Variants in TBCA observed in about 807,000 individuals in gnomAD.
The protein encoded by TBCA is tubulin folding cofactor A.
In TBCA, 6 loss-of-function variants were observed where a neutral mutation model predicts 15.8. The observed-to-expected ratio is 0.38, with a 90% CI of 0.21 to 0.75. The LOEUF (loss-of-function observed/expected upper bound fraction) is 0.75. TBCA is among the 30% of genes least tolerant of loss of function. TBCA has a pLI of 0.46. For synonymous variants in TBCA, 32 were observed against 42.3 expected (o/e 0.76, Z 0.94); for missense variants, 90 against 131.2 (o/e 0.69, Z 1.53).
intron 1 of TBCA, among the ~76,000 whole-genome samples, chr5:77,760,349 A>G (rs940321755): frequency 1.3e-5 from 2 of 152,202 alleles, no homozygotes; most frequent in African/African-American, 4.8e-5. Flanking sequence ...TTGAGTAATT[A>G]TTTCAATTAA....
intron 1 of TBCA, among the ~76,000 whole-genome samples, chr5:77,754,074 T>A (rs971114961): frequency 1.4e-4 from 22 of 152,192 alleles, no homozygotes; most frequent in African/African-American, 4.1e-4. Flanking sequence ...AATATTTGTA[T>A]AAATTCCTTT....
chr5:77,691,860 A>G, intron 3 of TBCA: 1 of 1,004,818 alleles, frequency 1.0e-6, no homozygotes, highest in Non-Finnish European at 1.2e-6. Flanking sequence ...ATTTACTAAC[A>G]TGTTACATAT....
rs182781446 is a variant in TBCA, at chr5:77,765,621, A to G, written c.53+10584T>C. 6.3e-4 allele frequency among the ~76,000 whole-genome samples: 96 copies of G among 152,166 alleles called. 1 individual carries two copies. The highest frequency in any genetic ancestry group is 2.6e-3 in the Admixed American group (40 of 15,276). Reference sequence around the variant, plus strand: ...TGGTTGCTGCTCCTCAAACACGCCAATCTTACTCCCTTTTTCAAGTCTTTG... The same window carrying G: ...TGGTTGCTGCTCCTCAAACACGCCAGTCTTACTCCCTTTTTCAAGTCTTTG... On this transcript the variant is annotated intron_variant, in intron 1 of 3. Coordinates refer to ENST00000380377, the MANE Select transcript of TBCA (RefSeq NM_004607.3).
At chr5:77,698,199 TATTAA>T (rs1745917049) in intron 2 of TBCA, among the ~76,000 whole-genome samples, 1 of 151,492 alleles carries the variant, frequency 6.6e-6, no homozygotes, top group South Asian at 2.1e-4. Flanking sequence ...GATAAACCTT[TATTAA>T]GACAGACAAA....
intron 1 of TBCA, among the ~76,000 whole-genome samples, chr5:77,716,894 C>T (rs1746410177): frequency 6.6e-6 from 1 of 152,178 alleles, no homozygotes; most frequent in Admixed American, 6.5e-5. Context: ...GATTTTACCC[C>T]CTTTTCCAAG....
At chr5:77,748,995 A>G in intron 1 of TBCA, among the ~76,000 whole-genome samples, 1 of 152,176 alleles carries the variant, frequency 6.6e-6, no homozygotes, top group Non-Finnish European at 1.5e-5. Flanking sequence ...GCAGCCACAG[A>G]CCTCAATCTA....
intron 2 of TBCA, among the ~76,000 whole-genome samples, chr5:77,707,151 C>G (rs75119222): frequency 1.6e-3 from 250 of 151,942 alleles, no homozygotes; most frequent in Non-Finnish European, 3.1e-3. Flanking sequence ...AACAATGTCA[C>G]TGATAGTTAT....
intron 1 of TBCA, among the ~76,000 whole-genome samples, chr5:77,763,001 T>C (rs1414079751): frequency 2.6e-5 from 4 of 152,274 alleles, no homozygotes; most frequent in Admixed American, 2.0e-4. Flanking sequence ...CCCAGCACTT[T>C]GGGAGGCCGA....
intron 1 of TBCA, among the ~76,000 whole-genome samples, chr5:77,709,383 A>G (rs929161693): frequency 1.3e-5 from 2 of 152,206 alleles, no homozygotes; most frequent in African/African-American, 2.4e-5. Flanking sequence ...ATAATAGCTC[A>G]ATCTTCCCTA....
intron 1 of TBCA, among the ~76,000 whole-genome samples, chr5:77,709,342 TA>T (rs1746221435): frequency 6.6e-6 from 1 of 152,222 alleles, no homozygotes; most frequent in Non-Finnish European, 1.5e-5. Flanking sequence ...TTCTACTGAT[TA>T]TCCCACAGAT....
At position 77,693,291 on chromosome 5, in the gene TBCA, G is replaced by C; in HGVS notation, c.221C>G (p.Ala74Gly). Residue 74 changes from alanine to glycine, a missense_variant, in exon 3 of 4, where the codon GCA becomes GGA. By Grantham distance (60) the Ala-to-Gly change is moderately conservative. Transcript: ENST00000380377. ...IPDCQRRLEA[A>G]YLDLQRILEN... ...TAGTATCCGTTGAAGATCCAAATAT[G>C]CGGCTTCCAACCTGCGCTGGCAATC... The C allele has an allele frequency of 6.2e-7, 1 of 1,613,876 alleles. No homozygotes were observed. Among genetic ancestry groups the C allele is most frequent in the Non-Finnish European group, 8.5e-7 (1 of 1,179,956 alleles).
intron 1 of TBCA, among the ~76,000 whole-genome samples, chr5:77,726,140 A>C (rs770371451): frequency 1.3e-4 from 20 of 152,242 alleles, no homozygotes; most frequent in Non-Finnish European, 2.6e-4. Flanking sequence ...TATTAAGGGT[A>C]TCCGCTGTGT....
At chr5:77,695,435 T>C (rs1580088149) in intron 2 of TBCA, among the ~76,000 whole-genome samples, 1 of 152,084 alleles carries the variant, frequency 6.6e-6, no homozygotes, top group East Asian at 1.9e-4. Flanking sequence ...TGTATTAACA[T>C]GAAAAGAAAC....
chr5:77,738,526 A>T (rs774443863), intron 1 of TBCA, among the ~76,000 whole-genome samples: 2 of 152,246 alleles, frequency 1.3e-5, no homozygotes, highest in Admixed American at 1.3e-4. Context: ...TGGCCTGCCC[A>T]CTAGGCTATG....
chr5:77,730,867 T>C (rs1404168805), intron 1 of TBCA, among the ~76,000 whole-genome samples: 1 of 152,242 alleles, frequency 6.6e-6, no homozygotes, highest in Non-Finnish European at 1.5e-5. Context: ...TAGAAGTTTT[T>C]CTATGTTAAT....
At chr5:77,735,001 C>T (rs552397492) in intron 1 of TBCA, among the ~76,000 whole-genome samples, 1 of 152,256 alleles carries the variant, frequency 6.6e-6, no homozygotes, top group South Asian at 2.1e-4. Flanking sequence ...ATGGTATGTA[C>T]ATTTTTTAGA....
chr5:77,759,948 T>A (rs1296810253), intron 1 of TBCA, among the ~76,000 whole-genome samples: 1 of 152,200 alleles, frequency 6.6e-6, no homozygotes, highest in East Asian at 1.9e-4. Context: ...TTCTACCTCC[T>A]AAGAGCTAAG....
chr5:77,750,330 T>C (rs888678764), intron 1 of TBCA, among the ~76,000 whole-genome samples: 2 of 152,132 alleles, frequency 1.3e-5, no homozygotes, highest in Non-Finnish European at 2.9e-5. Flanking sequence ...CTCAAGAAAC[T>C]TGAAATGTCA....
At position 77,763,862 on chromosome 5, in the gene TBCA, T is replaced by C. The variant is rs183833341; in HGVS notation, c.53+12343A>G. The stretch of plus-strand genomic sequence containing the variant: ...TACAAGATGAATACTCACATACTTA[T>C]GACCAAACGATTTCATTCCTGGGTA... On this transcript the variant is annotated intron_variant, in intron 1 of 3. Transcript: ENST00000380377. 2.0e-3 allele frequency among the ~76,000 whole-genome samples: 302 copies of C among 152,354 alleles called. 1 individual carries two copies. The highest frequency in any genetic ancestry group is 1.5e-3 in the Non-Finnish European group (100 of 68,030).
Sources: gnomAD v4.1 joint callset for allele counts (sites outside exome capture counted in the v4.1 genomes callset) on GRCh38, gnomAD v4.1.1 for gene constraint, MANE v1.5 for transcripts, NCBI Gene and HGNC (gene_info 2026-07-23, HGNC 2026-07-21) for gene names.